Variants in FBXL17 observed in about 807,000 individuals in gnomAD.
FBXL17 encodes F-box and leucine rich repeat protein 17, also known as F-box/LRR-repeat protein 17.
A neutral mutation model predicts 66.2 loss-of-function variants in FBXL17; 22 were observed. That is an observed-to-expected ratio of 0.33 (90% CI 0.24 to 0.47). The LOEUF is 0.47. Ranked by LOEUF, FBXL17 falls within the 20% of genes least tolerant of loss-of-function variation. FBXL17 has a pLI of 1.00. For missense variants in FBXL17, 878 were observed against 948.2 expected (o/e 0.93, Z 0.97); for synonymous variants, 474 against 400.5 (o/e 1.18, Z -2.19).
chr5:108,172,443 G>A (rs574305666), intron 6 of FBXL17, among the ~76,000 whole-genome samples: 25 of 152,274 alleles, frequency 1.6e-4, no homozygotes, highest in Admixed American at 3.9e-4. Flanking sequence ...AAAAGAGTGC[G>A]TATATAAAAA....
At chr5:108,247,572 C>A (rs964607710) in intron 4 of FBXL17, among the ~76,000 whole-genome samples, 1 of 152,042 alleles carries the variant, frequency 6.6e-6, no homozygotes, top group Admixed American at 6.6e-5. Flanking sequence ...TAAGACATAA[C>A]TTTTTTCAGA....
At chr5:108,279,580 C>A (rs1201309587) in intron 4 of FBXL17, among the ~76,000 whole-genome samples, 1 of 151,454 alleles carries the variant, frequency 6.6e-6, no homozygotes, top group African/African-American at 2.4e-5. Flanking sequence ...ATATGACACC[C>A]CTAAAGAAGC....
At chr5:107,949,524 A>G (rs1751431302) in intron 7 of FBXL17, among the ~76,000 whole-genome samples, 1 of 152,216 alleles carries the variant, frequency 6.6e-6, no homozygotes, top group African/African-American at 2.4e-5. Context: ...CAGAAATCAC[A>G]AGAAGGAAGA....
At chr5:108,258,595 C>T (rs558048029) in intron 4 of FBXL17, among the ~76,000 whole-genome samples, 1 of 152,228 alleles carries the variant, frequency 6.6e-6, no homozygotes, top group Admixed American at 6.5e-5. Context: ...GATTAAGTTG[C>T]ATATGAAGAC....
At chr5:107,935,069 T>G (rs1159559059) in intron 7 of FBXL17, among the ~76,000 whole-genome samples, 4 of 137,712 alleles carry the variant, frequency 2.9e-5, no homozygotes, top group Admixed American at 2.1e-4. Context: ...GTATCTTTTG[T>G]TTTTTTTTTG....
At chr5:108,246,318 T>C (rs1367720701) in intron 4 of FBXL17, among the ~76,000 whole-genome samples, 1 of 151,934 alleles carries the variant, frequency 6.6e-6, no homozygotes, top group Non-Finnish European at 1.5e-5. Flanking sequence ...CTGGGCAAAA[T>C]AGTGAAACCC....
intron 6 of FBXL17, among the ~76,000 whole-genome samples, chr5:108,030,562 G>T (rs1746577071): frequency 6.6e-6 from 1 of 152,084 alleles, no homozygotes; most frequent in South Asian, 2.1e-4. Flanking sequence ...GGCGTATTTT[G>T]AAATGATCTA....
At chr5:108,065,813 G>T (rs1748095604) in intron 6 of FBXL17, among the ~76,000 whole-genome samples, 1 of 152,130 alleles carries the variant, frequency 6.6e-6, no homozygotes, top group Non-Finnish European at 1.5e-5. Flanking sequence ...TGAAGCAAGA[G>T]TTGATGAGAC....
rs181368581 is a variant in FBXL17, at chr5:108,202,557, G to A, written c.1615-16310C>T. Among the ~76,000 whole-genome samples, 4 of 152,196 alleles carry A rather than the reference G, an allele frequency of 2.6e-5. No individual in the cohort carries two copies. The East Asian group carries it at 5.8e-4, about 22-fold the overall frequency. On this transcript the variant is annotated intron_variant, in intron 5 of 8. Coordinates refer to ENST00000542267, the MANE Select transcript of FBXL17 (RefSeq NM_001163315.3). ...AGGGAGATGCAATCCAAGACTCCCAGGGGATGCCTGAAACTGAGAATAATA... is the reference window on the plus strand; with the variant it reads ...AGGGAGATGCAATCCAAGACTCCCAAGGGATGCCTGAAACTGAGAATAATA...
intron 6 of FBXL17, among the ~76,000 whole-genome samples, chr5:108,176,929 C>A (rs1205576786): frequency 6.6e-6 from 1 of 152,056 alleles, no homozygotes; most frequent in Non-Finnish European, 1.5e-5. Flanking sequence ...TTTGAAAAAA[C>A]CCACATACTT....
At chr5:108,134,005 T>C (rs1751037590) in intron 6 of FBXL17, among the ~76,000 whole-genome samples, 1 of 152,134 alleles carries the variant, frequency 6.6e-6, no homozygotes, top group Non-Finnish European at 1.5e-5. Flanking sequence ...GTACTGGCAG[T>C]AAGGTAAGGT....
chr5:108,056,467 C>A (rs1747713168), intron 6 of FBXL17, among the ~76,000 whole-genome samples: 1 of 152,272 alleles, frequency 6.6e-6, no homozygotes, highest in Middle Eastern at 3.4e-3. Flanking sequence ...AAATAGAAAA[C>A]CCTAATATGA....
At chr5:107,930,908 A>T (rs1379661434) in intron 7 of FBXL17, among the ~76,000 whole-genome samples, 1 of 152,186 alleles carries the variant, frequency 6.6e-6, no homozygotes, top group Non-Finnish European at 1.5e-5. Context: ...TCCTACTTTG[A>T]CATTTTCTAT....
At chr5:108,031,362 A>T (rs1159260811) in intron 6 of FBXL17, among the ~76,000 whole-genome samples, 1 of 152,092 alleles carries the variant, frequency 6.6e-6, no homozygotes. Context: ...AAAATAATAA[A>T]ATCTGGGATA....
chr5:108,252,592 T>TAA (rs1756403413), intron 4 of FBXL17, among the ~76,000 whole-genome samples: 1 of 152,154 alleles, frequency 6.6e-6, no homozygotes, highest in Admixed American at 6.5e-5. Context: ...ATTCCAGTAG[T>TAA]CATTGGTTAT....
At chr5:108,240,151 GA>G (rs1000246800) in intron 4 of FBXL17, among the ~76,000 whole-genome samples, 1 of 151,906 alleles carries the variant, frequency 6.6e-6, no homozygotes, top group Non-Finnish European at 1.5e-5. Context: ...TGGCTATAGG[GA>G]AAAAAACTCC....
At chr5:108,274,524 C>T (rs951420962) in intron 4 of FBXL17, among the ~76,000 whole-genome samples, 3 of 152,110 alleles carry the variant, frequency 2.0e-5, no homozygotes, top group African/African-American at 7.2e-5. Flanking sequence ...CTCAAACACA[C>T]ATGCTGTACA....
At chr5:107,871,268 A>G (rs1405025002) in intron 8 of FBXL17, among the ~76,000 whole-genome samples, 1 of 152,072 alleles carries the variant, frequency 6.6e-6, no homozygotes, top group Non-Finnish European at 1.5e-5. Flanking sequence ...TCTCTTTTTC[A>G]TGAAATGTGT....
At chr5:108,106,961 AT>A (rs1749823426) in intron 6 of FBXL17, among the ~76,000 whole-genome samples, 1 of 152,222 alleles carries the variant, frequency 6.6e-6, no homozygotes, top group African/African-American at 2.4e-5. Context: ...CAATAAAGTT[AT>A]TTTTTAAAGA....
Sources: allele counts gnomAD v4.1 joint callset (sites outside exome capture counted in the v4.1 genomes callset), GRCh38; gene constraint gnomAD v4.1.1; transcripts MANE v1.5; gene names NCBI Gene and HGNC (gene_info 2026-07-23, HGNC 2026-07-21).